The following SSH2 variants were observed in gnomAD, a reference collection of about 807,000 sequenced individuals.
The protein encoded by SSH2 is protein phosphatase Slingshot homolog 2.
In SSH2, 37 loss-of-function variants were observed where a neutral mutation model predicts 135.2. The ratio of observed to expected loss-of-function variants is 0.27; its 90% CI spans 0.21 to 0.36. SSH2 has a LOEUF of 0.36. SSH2 is among the 10% of genes least tolerant of loss of function. The pLI is 1.00. For synonymous variants in SSH2, 628 were observed against 646.2 expected (o/e 0.97, Z 0.43); for missense variants, 1,408 against 1,765.3 (o/e 0.80, Z 3.63).
chr17:29,802,504 C>T (rs1409711971), intron 2 of SSH2, among the ~76,000 whole-genome samples: 1 of 150,654 alleles, frequency 6.6e-6, no homozygotes, highest in Non-Finnish European at 1.5e-5. Context: ...GAGTATTGGC[C>T]AGGCATGGTG....
At chr17:29,658,905 G>A (rs1375447696) in intron 11 of SSH2, among the ~76,000 whole-genome samples, 2 of 149,672 alleles carry the variant, frequency 1.3e-5, no homozygotes, top group South Asian at 2.1e-4. Context: ...AAACTAAGAG[G>A]TCTCACTCTC....
intron 3 of SSH2, among the ~76,000 whole-genome samples, chr17:29,704,634 T>C (rs1019618826): frequency 6.7e-6 from 1 of 150,192 alleles, no homozygotes; most frequent in African/African-American, 2.5e-5. Flanking sequence ...GCCTAGGAGT[T>C]CGAGATTATA....
At chr17:29,893,288 A>C (rs1183194077) in intron 1 of SSH2, among the ~76,000 whole-genome samples, 1 of 134,556 alleles carries the variant, frequency 7.4e-6, no homozygotes, top group African/African-American at 2.5e-5. Context: ...GAATTTAGGC[A>C]AAAAAAAAGG....
At chr17:29,761,620 G>A (rs2041311634) in intron 3 of SSH2, among the ~76,000 whole-genome samples, 1 of 152,168 alleles carries the variant, frequency 6.6e-6, no homozygotes, top group African/African-American at 2.4e-5. Flanking sequence ...CGGTAAGGGA[G>A]TGAAGCTACT....
intron 3 of SSH2, among the ~76,000 whole-genome samples, chr17:29,773,276 A>G (rs1291785759): frequency 6.6e-6 from 1 of 152,216 alleles, no homozygotes; most frequent in Non-Finnish European, 1.5e-5. Context: ...TATCCATAGA[A>G]ATAATATTAC....
intron 3 of SSH2, among the ~76,000 whole-genome samples, chr17:29,745,335 T>G (rs146302173): frequency 0.03 from 4,488 of 152,126 alleles, 210 homozygotes; most frequent in African/African-American, 0.1. Context: ...AATTTTTGTA[T>G]TTTTAGTAGA....
At chr17:29,680,086 T>C (rs1452963467) in intron 6 of SSH2, among the ~76,000 whole-genome samples, 1 of 152,206 alleles carries the variant, frequency 6.6e-6, no homozygotes, top group Non-Finnish European at 1.5e-5. Flanking sequence ...AAATGTTGAA[T>C]ATGAATCTGT....
chr17:29,637,090 T>A (rs1378447572), intron 14 of SSH2, among the ~76,000 whole-genome samples: 1 of 152,140 alleles, frequency 6.6e-6, no homozygotes, highest in Non-Finnish European at 1.5e-5. Flanking sequence ...CATATACTGG[T>A]AGGAGGAATG....
chr17:29,709,663 C>T (rs558226430), intron 3 of SSH2, among the ~76,000 whole-genome samples: 14 of 151,930 alleles, frequency 9.2e-5, no homozygotes, highest in Middle Eastern at 6.8e-3. Flanking sequence ...GGAAACAGAG[C>T]GAAACTCCAT....
Position 29,672,065 on chromosome 17 carries a change from TG to T in SSH2, c.678del (p.Ser227AlafsTer7). The T allele has an allele frequency of 6.2e-7, 1 of 1,614,194 alleles. No individual in the cohort carries two copies. Among genetic ancestry groups the T allele is most frequent in the Non-Finnish European group, 8.5e-7 (1 of 1,180,014 alleles). On this transcript the variant is annotated frameshift_variant, in exon 9 of 16. Transcript: ENST00000540801. LOFTEE classifies it high-confidence loss of function. ...TAACTCACCCAAGTGAGAAATAGGCTGCCTGGGTAGTAGTTATGCGCTCTGG... is the reference window on the plus strand; with the variant it reads ...TAACTCACCCAAGTGAGAAATAGGCTCCTGGGTAGTAGTTATGCGCTCTGG... ...EVARAHNYYP[G>X]SLFLTWVSYY...
At chr17:29,712,647 T>A (rs889012292) in intron 3 of SSH2, among the ~76,000 whole-genome samples, 3 of 152,054 alleles carry the variant, frequency 2.0e-5, no homozygotes, top group Non-Finnish European at 4.4e-5. Context: ...CTACTAAAAA[T>A]ACAAAAATTA....
At chr17:29,738,859 G>A (rs755572120) in intron 3 of SSH2, among the ~76,000 whole-genome samples, 2 of 151,886 alleles carry the variant, frequency 1.3e-5, no homozygotes, top group East Asian at 1.9e-4. Context: ...CGGCCTCTGC[G>A]GCTTAATTTT....
intron 1 of SSH2, among the ~76,000 whole-genome samples, chr17:29,904,273 T>A (rs1251252088): frequency 6.6e-6 from 1 of 152,076 alleles, no homozygotes; most frequent in Non-Finnish European, 1.5e-5. Flanking sequence ...GCAAACTGAA[T>A]CCAGCAGCAC....
chr17:29,800,761 G>A (rs1185102398), intron 2 of SSH2, among the ~76,000 whole-genome samples: 2 of 151,690 alleles, frequency 1.3e-5, no homozygotes, highest in East Asian at 3.9e-4. Context: ...AGCTTTTAAA[G>A]AGTATAATTA....
In SSH2 at chr17:29,626,551, A is replaced by G. The variant is rs1010196847; in HGVS notation, c.*4290T>C. 1 of 152,568 alleles carries G rather than the reference A, an allele frequency of 6.6e-6. No homozygotes were observed. Among genetic ancestry groups the G allele is most frequent in the African/African-American group, 2.4e-5 (1 of 41,422 alleles). The allele number at this position is 152,568 out of a possible 1,614,324, so 9.5% of individuals were successfully genotyped here. On this transcript the variant is annotated 3_prime_UTR_variant, in exon 16 of 16. Transcript: ENST00000540801. ...GATTAAGGATGATTCCAGTTTAGAA[A>G]TCCTATCCTAGACCTCTGGGGCACT...
chr17:29,700,619 A>C (rs1372463740), intron 4 of SSH2, among the ~76,000 whole-genome samples: 1 of 152,204 alleles, frequency 6.6e-6, no homozygotes, highest in Non-Finnish European at 1.5e-5. Flanking sequence ...AGTAGCAGAC[A>C]CTGGCATTTT....
chr17:29,750,878 AT>A (rs1021617225), intron 3 of SSH2, among the ~76,000 whole-genome samples: 16 of 147,810 alleles, frequency 1.1e-4, no homozygotes, highest in Non-Finnish European at 9.0e-5. Context: ...AAAAAAAAGT[AT>A]TTTTTTTTAC....
Position 29,627,690 on chromosome 17 carries a change from A to G in SSH2, c.*3151T>C, listed in dbSNP as rs1205124916. On this transcript the variant is annotated 3_prime_UTR_variant, in exon 16 of 16. Coordinates refer to ENST00000540801, the MANE Select transcript of SSH2 (RefSeq NM_001282129.2). ...AGGCAACTAAAATGAGGAGAGATGA[A>G]TATTACGGTACTATAGTACTACATG... 6.6e-6 allele frequency: 1 copy of G among 152,640 alleles called. No homozygotes were observed. Among genetic ancestry groups the G allele is most frequent in the South Asian group, 2.1e-4 (1 of 4,828 alleles). 9.5% of individuals were successfully genotyped at this position (152,640 alleles called of 1,614,324 possible).
chr17:29,659,645 T>G (rs1323505460), intron 11 of SSH2, among the ~76,000 whole-genome samples: 2 of 152,096 alleles, frequency 1.3e-5, no homozygotes, highest in Non-Finnish European at 2.9e-5. Context: ...TGCCTCAGCT[T>G]CTCGAGTAGC....
Sources: gnomAD v4.1 joint callset for allele counts (sites outside exome capture counted in the v4.1 genomes callset) on GRCh38, gnomAD v4.1.1 for gene constraint, MANE v1.5 for transcripts, NCBI Gene and HGNC (gene_info 2026-07-23, HGNC 2026-07-21) for gene names.